ERC1: variants seen among roughly 807,000 people sequenced by gnomAD.
ERC1 encodes the protein ELKS/RAB6-interacting/CAST family member 1.
In ERC1, 56 loss-of-function variants were observed where a neutral mutation model predicts 132.0. The ratio of observed to expected loss-of-function variants is 0.42; its 90% CI spans 0.34 to 0.53. The LOEUF (loss-of-function observed/expected upper bound fraction) is 0.53, where lower values mean the gene tolerates loss of function less well. Among genes scored for constraint, ERC1 ranks in the 20% least tolerant of loss-of-function variants. The pLI is 0.03. For synonymous variants in ERC1, 478 were observed against 476.1 expected, an observed-to-expected ratio of 1.00 and a Z score of -0.05; for missense variants, 1,202 against 1,349.9, an observed-to-expected ratio of 0.89 and a Z score of 1.72.
chr12:1,241,850 T>C (rs868135025), intron 13 of ERC1, among the ~76,000 whole-genome samples: 28 of 49,208 alleles, frequency 5.7e-4, no homozygotes, highest in African/African-American at 3.4e-3. Context: ...TCTTCTTCTT[T>C]TTTTTTTTTT....
At chr12:1,285,840 GGAAAA>G (rs1337446759) in intron 14 of ERC1, among the ~76,000 whole-genome samples, 2 of 152,040 alleles carry the variant, frequency 1.3e-5, no homozygotes, top group Non-Finnish European at 2.9e-5. Flanking sequence ...AGTTAATACA[GGAAAA>G]GAAAAGCTTA....
intron 2 of ERC1, among the ~76,000 whole-genome samples, chr12:1,046,830 C>T (rs1971150512): frequency 6.6e-6 from 1 of 152,160 alleles, no homozygotes; most frequent in Non-Finnish European, 1.5e-5. Context: ...AGCCTTCTGC[C>T]TAGATGGTGC....
At chr12:1,293,952 A>T (rs2079704417) in intron 15 of ERC1, among the ~76,000 whole-genome samples, 1 of 152,210 alleles carries the variant, frequency 6.6e-6, no homozygotes, top group Admixed American at 6.5e-5. Context: ...GTTATGTAGG[A>T]AACCCACATA....
intron 15 of ERC1, among the ~76,000 whole-genome samples, chr12:1,351,143 C>T (rs1036365692): frequency 6.6e-6 from 1 of 152,204 alleles, no homozygotes; most frequent in African/African-American, 2.4e-5. Flanking sequence ...CATATCCACA[C>T]CATAGTGATA....
chr12:1,180,691 C>T lies in ERC1; in HGVS notation c.1875+14C>T, dbSNP rs763662177. 1.2e-6 allele frequency: 2 copies of T among 1,613,694 alleles called. No individual in the cohort carries two copies. Among genetic ancestry groups the T allele is most frequent in the South Asian group, 2.2e-5 (2 of 91,058 alleles). ...CTTGCAGAGAAAGTGAGTGGCTGGC[C>T]CCAACTCTCCACACACGTTTTCTGC... On this transcript the variant is annotated intron_variant, in intron 9 of 18. Coordinates refer to ENST00000360905, the MANE Select transcript of ERC1 (RefSeq NM_178040.4).
intron 10 of ERC1, 67 bp from the exon 11 acceptor site, chr12:1,183,214 A>C: frequency 9.1e-7 from 1 of 1,095,192 alleles, no homozygotes. Flanking sequence ...TACCATGATA[A>C]ATTTAAAAAT....
intron 18 of ERC1, among the ~76,000 whole-genome samples, chr12:1,462,838 G>A (rs1399075473): frequency 2.0e-5 from 3 of 152,088 alleles, no homozygotes; most frequent in African/African-American, 2.4e-5. Flanking sequence ...AAAATACTCC[G>A]CCTCCAGTCT....
At chr12:1,208,179 C>T (rs1008729262) in intron 12 of ERC1, among the ~76,000 whole-genome samples, 2 of 152,170 alleles carry the variant, frequency 1.3e-5, no homozygotes, top group Non-Finnish European at 2.9e-5. Context: ...GTGGCAGAAT[C>T]TAGGGTACAA....
At chr12:1,430,054 A>T (rs1481376735) in intron 17 of ERC1, among the ~76,000 whole-genome samples, 3 of 152,122 alleles carry the variant, frequency 2.0e-5, no homozygotes, top group African/African-American at 7.2e-5. Context: ...TTCCCTGGGG[A>T]TAGAACAGCC....
intron 7 of ERC1, among the ~76,000 whole-genome samples, chr12:1,123,385 A>T (rs1947797765): frequency 6.6e-6 from 1 of 152,200 alleles, no homozygotes; most frequent in Non-Finnish European, 1.5e-5. Context: ...ATCATGGGAA[A>T]GTCAATAAAT....
chr12:1,371,812 G>A, intron 15 of ERC1, 21 bp from the exon 16 acceptor site: 4 of 1,610,934 alleles, frequency 2.5e-6, no homozygotes, highest in Non-Finnish European at 3.4e-6. Context: ...TGGCGCTGTT[G>A]GCATTTGCTT....
rs1300797660 is a variant in ERC1, at chr12:1,316,783, C to T, written c.2780+26771C>T. 7.9e-5 allele frequency among the ~76,000 whole-genome samples: 12 copies of T among 152,300 alleles called. No individual in the cohort carries two copies. The East Asian group carries it at 1.2e-3, about 15-fold the overall frequency. Reference sequence around the variant, plus strand: ...ATGCTGCTATAAAGACACATGCACACGTATGTTTATTGCAGCACTGTTCAC... The same window carrying T: ...ATGCTGCTATAAAGACACATGCACATGTATGTTTATTGCAGCACTGTTCAC... On this transcript the variant is annotated intron_variant, in intron 15 of 18. Coordinates refer to ENST00000360905, the MANE Select transcript of ERC1 (RefSeq NM_178040.4).
At chr12:1,366,182 G>A (rs1031090923) in intron 15 of ERC1, among the ~76,000 whole-genome samples, 1 of 152,046 alleles carries the variant, frequency 6.6e-6, no homozygotes, top group Non-Finnish European at 1.5e-5. Flanking sequence ...TTTATAAATG[G>A]TTATGGTAAA....
intron 2 of ERC1, among the ~76,000 whole-genome samples, chr12:1,081,116 G>A (rs951594311): frequency 6.6e-6 from 1 of 152,106 alleles, no homozygotes; most frequent in African/African-American, 2.4e-5. Flanking sequence ...ATGGTACACT[G>A]CTTAGGCCTT....
intron 16 of ERC1, among the ~76,000 whole-genome samples, chr12:1,393,412 G>A (rs1462045843): frequency 6.6e-6 from 1 of 152,172 alleles, no homozygotes; most frequent in Non-Finnish European, 1.5e-5. Flanking sequence ...GTGCACATCT[G>A]TAGTCCCAGG....
intron 1 of ERC1, among the ~76,000 whole-genome samples, chr12:1,008,840 A>G (rs373708956): frequency 1.2e-4 from 18 of 152,322 alleles, no homozygotes; most frequent in South Asian, 1.0e-3. Context: ...CCCGTGAAAT[A>G]AGAATAAAAA....
intron 1 of ERC1, among the ~76,000 whole-genome samples, chr12:1,005,773 A>T (rs950615134): frequency 6.6e-6 from 1 of 152,186 alleles, no homozygotes; most frequent in Non-Finnish European, 1.5e-5. Context: ...TGACAAATGC[A>T]GGTAAAGTAT....
intron 17 of ERC1, chr12:1,444,350 C>T: frequency 2.3e-6 from 1 of 433,748 alleles, no homozygotes; most frequent in Non-Finnish European, 4.1e-6. Context: ...TTCCTGTCTC[C>T]CAGAAGGGCG....
intron 7 of ERC1, among the ~76,000 whole-genome samples, chr12:1,122,687 A>G (rs1947702969): frequency 6.6e-6 from 1 of 152,254 alleles, no homozygotes; most frequent in Non-Finnish European, 1.5e-5. Flanking sequence ...ATATCTGTAT[A>G]TATCTATCTA....
Sources: gnomAD v4.1 joint callset for allele counts (sites outside exome capture counted in the v4.1 genomes callset) on GRCh38, gnomAD v4.1.1 for gene constraint, MANE v1.5 for transcripts, NCBI Gene and HGNC (gene_info 2026-07-23, HGNC 2026-07-21) for gene names.